The following KCNIP4 variants were observed in gnomAD, a reference collection of about 807,000 sequenced individuals.
The protein encoded by KCNIP4 is potassium voltage-gated channel interacting protein 4, also known as Kv channel-interacting protein 4.
In KCNIP4, 12 loss-of-function variants were observed where a neutral mutation model predicts 34.0. The ratio of observed to expected loss-of-function variants is 0.35; its 90% CI spans 0.23 to 0.57. The LOEUF is 0.57. Among genes scored for constraint, KCNIP4 ranks in the 20% least tolerant of loss-of-function variants. The pLI, the probability that KCNIP4 is intolerant of heterozygous loss-of-function variation, is 0.83. For synonymous variants in KCNIP4, 124 were observed against 102.2 expected (o/e 1.21, Z -1.29); for missense variants, 238 against 311.7 (o/e 0.76, Z 1.78).
intron 1 of KCNIP4, among the ~76,000 whole-genome samples, chr4:21,043,541 G>A (rs949731402): frequency 6.0e-5 from 9 of 150,240 alleles, no homozygotes; most frequent in African/African-American, 2.2e-4. Context: ...ATTTTGCCAT[G>A]TTGGCCAGGC....
chr4:21,881,925 G>A (rs768203021), intron 1 of KCNIP4, among the ~76,000 whole-genome samples: 14 of 152,042 alleles, frequency 9.2e-5, no homozygotes, highest in African/African-American at 2.7e-4. Context: ...CTATAGACCC[G>A]TATCCCATGA....
chr4:21,913,370 T>C (rs1458407136), intron 1 of KCNIP4, among the ~76,000 whole-genome samples: 1 of 151,766 alleles, frequency 6.6e-6, no homozygotes, highest in African/African-American at 2.4e-5. Flanking sequence ...TTTCCTTTTT[T>C]TTTTTAAAGG....
intron 3 of KCNIP4, among the ~76,000 whole-genome samples, chr4:20,814,824 C>G (rs1341001910): frequency 2.6e-5 from 4 of 152,142 alleles, no homozygotes; most frequent in African/African-American, 9.7e-5. Context: ...GAAATTATTT[C>G]TCAGCAATGG....
intron 1 of KCNIP4, among the ~76,000 whole-genome samples, chr4:21,380,503 C>A (rs937131335): frequency 6.7e-6 from 1 of 148,882 alleles, no homozygotes; most frequent in Non-Finnish European, 1.5e-5. Context: ...GAGAGAGATC[C>A]TATATTGTGC....
At chr4:21,941,138 C>G (rs886587231) in intron 1 of KCNIP4, among the ~76,000 whole-genome samples, 1 of 152,022 alleles carries the variant, frequency 6.6e-6, no homozygotes, top group Non-Finnish European at 1.5e-5. Context: ...AGATGTAGAT[C>G]GGTTTAAGAG....
chr4:21,682,385 A>G (rs1488391887), intron 1 of KCNIP4, among the ~76,000 whole-genome samples: 1 of 152,178 alleles, frequency 6.6e-6, no homozygotes, highest in Admixed American at 6.5e-5. Flanking sequence ...TGTATCAGAG[A>G]CTTCCTCTGG....
At chr4:20,817,489 C>T (rs1156266495) in intron 3 of KCNIP4, among the ~76,000 whole-genome samples, 3 of 152,118 alleles carry the variant, frequency 2.0e-5, no homozygotes, top group Non-Finnish European at 2.9e-5. Flanking sequence ...CCAGGGAATG[C>T]TTTCTGATCT....
chr4:21,661,032 C>T (rs1055761445), intron 1 of KCNIP4, among the ~76,000 whole-genome samples: 39 of 152,078 alleles, frequency 2.6e-4, no homozygotes, highest in African/African-American at 9.2e-4. Flanking sequence ...ATATAAACCC[C>T]AAGCTCCATA....
At chr4:21,579,440 TA>T (rs1484071639) in intron 1 of KCNIP4, among the ~76,000 whole-genome samples, 4 of 152,228 alleles carry the variant, frequency 2.6e-5, no homozygotes, top group African/African-American at 4.8e-5. Flanking sequence ...TGTGCCATGT[TA>T]AAAATTGATT....
chr4:20,774,702 G>C (rs1003223701), intron 3 of KCNIP4, among the ~76,000 whole-genome samples: 1 of 152,118 alleles, frequency 6.6e-6, no homozygotes, highest in African/African-American at 2.4e-5. Flanking sequence ...TTTAAAGAGG[G>C]ACCTGAAGGA....
intron 1 of KCNIP4, among the ~76,000 whole-genome samples, chr4:21,861,957 C>T (rs1244105755): frequency 1.3e-5 from 2 of 152,264 alleles, no homozygotes; most frequent in Middle Eastern, 3.4e-3. Context: ...CCTCTCACTG[C>T]CTCCCACCCT....
chr4:21,074,315 G>T (rs949825597), intron 1 of KCNIP4, among the ~76,000 whole-genome samples: 7 of 152,000 alleles, frequency 4.6e-5, no homozygotes, highest in African/African-American at 1.7e-4. Flanking sequence ...CAATTTCAGA[G>T]CCTGTTATTG....
intron 3 of KCNIP4, among the ~76,000 whole-genome samples, chr4:20,759,860 T>C (rs770417461): frequency 3.3e-5 from 5 of 152,094 alleles, no homozygotes; most frequent in African/African-American, 1.2e-4. Flanking sequence ...ATGTGAGATA[T>C]TAACTGTATG....
chr4:20,881,136 A>T (rs1724637404), intron 2 of KCNIP4, among the ~76,000 whole-genome samples: 1 of 152,178 alleles, frequency 6.6e-6, no homozygotes, highest in South Asian at 2.1e-4. Flanking sequence ...GACATACAAT[A>T]AATATTTGTT....
At chr4:21,168,402 T>A (rs1200461020) in intron 1 of KCNIP4, among the ~76,000 whole-genome samples, 1 of 152,152 alleles carries the variant, frequency 6.6e-6, no homozygotes, top group East Asian at 1.9e-4. Flanking sequence ...GTTTCCTGAG[T>A]CTGAGTCTTT....
intron 1 of KCNIP4, among the ~76,000 whole-genome samples, chr4:20,964,288 A>G (rs1356536917): frequency 6.6e-6 from 1 of 152,216 alleles, no homozygotes; most frequent in East Asian, 1.9e-4. Flanking sequence ...TTAGAGGCTT[A>G]CCCACGATGC....
At chr4:20,968,525 C>T (rs904663248) in intron 1 of KCNIP4, among the ~76,000 whole-genome samples, 15 of 152,170 alleles carry the variant, frequency 9.9e-5, no homozygotes, top group Admixed American at 3.3e-4. Flanking sequence ...TTGGAACCAA[C>T]CCAAATGTCC....
intron 1 of KCNIP4, among the ~76,000 whole-genome samples, chr4:21,312,849 G>C (rs1169297027): frequency 1.3e-5 from 2 of 152,170 alleles, no homozygotes; most frequent in African/African-American, 4.8e-5. Context: ...TGTCCCTGGA[G>C]AATCCGTCTT....
At chr4:20,885,373 T>C (rs1275415501) in intron 1 of KCNIP4, among the ~76,000 whole-genome samples, 3 of 152,250 alleles carry the variant, frequency 2.0e-5, no homozygotes. Context: ...TTCAGGTTTT[T>C]GCATTTCTGA....
Sources: allele counts gnomAD v4.1 joint callset (sites outside exome capture counted in the v4.1 genomes callset), GRCh38; gene constraint gnomAD v4.1.1; transcripts MANE v1.5; gene names NCBI Gene and HGNC (gene_info 2026-07-23, HGNC 2026-07-21).